ZC3H12B: variants seen among roughly 807,000 people sequenced by gnomAD.
ZC3H12B encodes zinc finger CCCH-type containing 12B.
A neutral mutation model predicts 43.9 loss-of-function variants in ZC3H12B; 7 were observed. The observed-to-expected ratio is 0.16, with a 90% CI of 0.09 to 0.30. The LOEUF (loss-of-function observed/expected upper bound fraction) is 0.30, where lower values mean the gene tolerates loss of function less well. Among genes scored for constraint, ZC3H12B ranks in the 10% least tolerant of loss-of-function variants. The pLI is 1.00. For synonymous variants in ZC3H12B, 222 were observed against 241.7 expected (o/e 0.92, Z 0.76); for missense variants, 475 against 670.2 (o/e 0.71, Z 3.22).
the ZC3H12B span, among the ~76,000 whole-genome samples, chrX:65,102,290 C>A: frequency 8.9e-6 from 1 of 111,833 alleles, no homozygotes; most frequent in Non-Finnish European, 1.9e-5. Context: ...ACCAAATGGG[C>A]AAAGGCTGGA....
chrX:65,373,526 T>C lies in ZC3H12B; in HGVS notation n.295+4528T>C, dbSNP rs191188670. On this transcript the variant is annotated intron_variant and non_coding_transcript_variant, in intron 2 of 5. Coordinates refer to the ZC3H12B transcript ENST00000617377. ...TCAGTGATAGACTGGATTAAGAAAA[T>C]GTGGCACATATACACCATGGAATAC... 8.3e-3 allele frequency among the ~76,000 whole-genome samples: 911 copies of C among 109,781 alleles called. 37 individuals are homozygous for C. Among genetic ancestry groups the C allele is most frequent in the Admixed American group, 0.073 (748 of 10,196 alleles).
the ZC3H12B span, among the ~76,000 whole-genome samples, chrX:65,339,027 G>C: frequency 8.9e-6 from 1 of 112,125 alleles, no homozygotes; most frequent in African/African-American, 3.2e-5. Flanking sequence ...GCAAGAGAAA[G>C]AAATAAACGG....
At chrX:65,417,656 C>T (rs776830992) in intron 3 of ZC3H12B, among the ~76,000 whole-genome samples, 21 of 112,512 alleles carry the variant, frequency 1.9e-4, no homozygotes, top group Non-Finnish European at 3.2e-4. Context: ...TGATTTCTGG[C>T]CTTTCTCTAG....
intron 2 of ZC3H12B, among the ~76,000 whole-genome samples, chrX:65,376,734 A>C (rs752508763): frequency 8.9e-6 from 1 of 112,196 alleles, no homozygotes; most frequent in African/African-American, 3.2e-5. Context: ...CCTCTAATGC[A>C]GATACAGCTA....
chrX:65,331,849 G>A, the ZC3H12B span, among the ~76,000 whole-genome samples: 32 of 111,372 alleles, frequency 2.9e-4, no homozygotes, highest in African/African-American at 1.0e-3. Flanking sequence ...AACTGTTACA[G>A]CATTGGTGGA....
At chrX:65,066,988 C>T in the ZC3H12B span, among the ~76,000 whole-genome samples, 1 of 111,475 alleles carries the variant, frequency 9.0e-6, no homozygotes, top group Non-Finnish European at 1.9e-5. Context: ...ATGCCCCTCG[C>T]CCAACCAAGC....
chrX:65,294,017 T>G, the ZC3H12B span, among the ~76,000 whole-genome samples: 1 of 111,376 alleles, frequency 9.0e-6, no homozygotes, highest in Non-Finnish European at 1.9e-5. Context: ...CCCAGGAAAT[T>G]TATTGCCAAA....
the ZC3H12B span, among the ~76,000 whole-genome samples, chrX:65,307,958 C>A: frequency 1.8e-5 from 2 of 111,608 alleles, no homozygotes; most frequent in Admixed American, 9.5e-5. Context: ...TAAAGCAAAA[C>A]TGGCATGTTA....
chrX:65,164,800 C>G, the ZC3H12B span, among the ~76,000 whole-genome samples: 1 of 111,876 alleles, frequency 8.9e-6, no homozygotes, highest in Non-Finnish European at 1.9e-5. Flanking sequence ...CTGGCAATTT[C>G]CCCTCAAAAG....
At chrX:65,058,008 CT>C in the ZC3H12B span, among the ~76,000 whole-genome samples, 1 of 111,842 alleles carries the variant, frequency 8.9e-6, no homozygotes, top group Non-Finnish European at 1.9e-5. Context: ...AGGTTTTTAG[CT>C]TCTTTGCGAT....
chrX:65,432,131 C>T (rs2067169001), intron 3 of ZC3H12B, among the ~76,000 whole-genome samples: 1 of 111,816 alleles, frequency 8.9e-6, no homozygotes, highest in Non-Finnish European at 1.9e-5. Context: ...ATATAACTTA[C>T]TTATGCCTTT....
At chrX:65,141,408 G>A in the ZC3H12B span, among the ~76,000 whole-genome samples, 1 of 109,117 alleles carries the variant, frequency 9.2e-6, no homozygotes, top group Non-Finnish European at 1.9e-5. Flanking sequence ...ACACATACGT[G>A]GGCTCTTTAA....
chrX:65,453,589 G>A (rs1463533372), intron 3 of ZC3H12B, among the ~76,000 whole-genome samples: 1 of 105,332 alleles, frequency 9.5e-6, no homozygotes, highest in Admixed American at 1.0e-4. Context: ...GGGTGTGGTG[G>A]TGCACGCCTG....
intron 3 of ZC3H12B, among the ~76,000 whole-genome samples, chrX:65,459,706 C>A: frequency 9.0e-6 from 1 of 111,501 alleles, no homozygotes; most frequent in Non-Finnish European, 1.9e-5. Flanking sequence ...TGGGACTTAT[C>A]TCAAAATAAT....
the ZC3H12B span, among the ~76,000 whole-genome samples, chrX:65,159,804 A>G: frequency 5.4e-5 from 6 of 111,801 alleles, no homozygotes; most frequent in South Asian, 3.8e-4. Flanking sequence ...ACTATGTGGA[A>G]GAGGAGTGGT....
the ZC3H12B span, among the ~76,000 whole-genome samples, chrX:65,183,205 A>G: frequency 2.7e-5 from 3 of 111,987 alleles, no homozygotes; most frequent in African/African-American, 9.7e-5. Flanking sequence ...GAATAAAGAA[A>G]ATAAAGAAAA....
chrX:65,107,708 A>C, the ZC3H12B span, among the ~76,000 whole-genome samples: 1 of 110,838 alleles, frequency 9.0e-6, no homozygotes, highest in Non-Finnish European at 1.9e-5. Context: ...TGGTTTTATA[A>C]GGGGCTTTCC....
At chrX:65,223,782 C>A in the ZC3H12B span, among the ~76,000 whole-genome samples, 2 of 111,952 alleles carry the variant, frequency 1.8e-5, no homozygotes, top group Non-Finnish European at 3.8e-5. Flanking sequence ...CCATCCTATT[C>A]CTTCAAGATC....
chrX:65,142,667 G>C, the ZC3H12B span, among the ~76,000 whole-genome samples: 4 of 112,339 alleles, frequency 3.6e-5, no homozygotes, highest in African/African-American at 9.7e-5. Context: ...ATCTTGAGTT[G>C]ATTTATGTAT....
Sources: gnomAD v4.1 joint callset for allele counts (sites outside exome capture counted in the v4.1 genomes callset) on GRCh38, gnomAD v4.1.1 for gene constraint, MANE v1.5 for transcripts, NCBI Gene and HGNC (gene_info 2026-07-23, HGNC 2026-07-21) for gene names.